Variants in ELAVL4 observed in about 807,000 individuals in gnomAD.
The protein encoded by ELAVL4 is ELAV like RNA binding protein 4, also known as ELAV-like protein 4.
A neutral mutation model predicts 35.6 loss-of-function variants in ELAVL4; 1 was observed. The ratio of observed to expected loss-of-function variants is 0.03; its 90% CI spans 0.01 to 0.13. ELAVL4 has a LOEUF of 0.13. Ranked by LOEUF, ELAVL4 falls within the 10% of genes least tolerant of loss-of-function variation. The pLI, the probability that ELAVL4 is intolerant of heterozygous loss-of-function variation, is 1.00. For missense variants in ELAVL4, 267 were observed against 464.9 expected, an observed-to-expected ratio of 0.57 and a Z score of 3.91; for synonymous variants, 156 against 171.0, an observed-to-expected ratio of 0.91 and a Z score of 0.69.
At chr1:50,129,226 C>T (rs529907985) in intron 1 of ELAVL4, among the ~76,000 whole-genome samples, 22 of 152,088 alleles carry the variant, frequency 1.4e-4, no homozygotes, top group Non-Finnish European at 3.1e-4. Context: ...TGACTGTGCC[C>T]TGGAAAAATC....
At chr1:50,131,775 C>A (rs1670897230) in intron 1 of ELAVL4, among the ~76,000 whole-genome samples, 1 of 151,132 alleles carries the variant, frequency 6.6e-6, no homozygotes, top group Non-Finnish European at 1.5e-5. Flanking sequence ...GGGGACAGAG[C>A]AAGACTCTGT....
chr1:50,104,043 C>A, upstream of ELAVL4: 1 of 1,607,238 alleles, frequency 6.2e-7, no homozygotes, highest in South Asian at 1.1e-5. Flanking sequence ...AGATGGTAGA[C>A]CGTCAATGGG....
upstream of ELAVL4, chr1:50,104,146 A>G (rs1666135001): frequency 1.2e-6 from 1 of 834,958 alleles, no homozygotes; most frequent in Non-Finnish European, 2.0e-6. Context: ...AGCTTCATAC[A>G]GTAGTGGTTT....
At chr1:50,188,710 T>C (rs1682212551) in intron 3 of ELAVL4, among the ~76,000 whole-genome samples, 1 of 152,202 alleles carries the variant, frequency 6.6e-6, no homozygotes, top group Non-Finnish European at 1.5e-5. Flanking sequence ...TGCTTCCAGC[T>C]GGCGTCTGGC....
At chr1:50,057,267 C>T (rs1198633301) in intron 1 of ELAVL4, among the ~76,000 whole-genome samples, 1 of 151,736 alleles carries the variant, frequency 6.6e-6, no homozygotes, top group Non-Finnish European at 1.5e-5. Context: ...TACAGCTGTA[C>T]ATGTGTTTGT....
chr1:50,182,348 A>T (rs997447281), intron 3 of ELAVL4, among the ~76,000 whole-genome samples: 1 of 152,256 alleles, frequency 6.6e-6, no homozygotes, highest in Non-Finnish European at 1.5e-5. Flanking sequence ...TATCACACCC[A>T]CTAAACCTTT....
chr1:50,099,964 T>C (rs1363862818), upstream of ELAVL4, among the ~76,000 whole-genome samples: 1 of 152,244 alleles, frequency 6.6e-6, no homozygotes, highest in Non-Finnish European at 1.5e-5. Context: ...TTATTTTGAA[T>C]GTTAGTTTTT....
chr1:50,194,799 T>G (rs1318236759), intron 4 of ELAVL4, among the ~76,000 whole-genome samples: 1 of 152,174 alleles, frequency 6.6e-6, no homozygotes, highest in Non-Finnish European at 1.5e-5. Flanking sequence ...GAGGCAATGT[T>G]TGAATAGGAG....
intron 1 of ELAVL4, among the ~76,000 whole-genome samples, chr1:50,088,818 T>C (rs1292964187): frequency 6.6e-6 from 1 of 152,104 alleles, no homozygotes; most frequent in East Asian, 1.9e-4. Flanking sequence ...TCAGCACCTC[T>C]CATATCCTCC....
chr1:50,094,986 A>G (rs925089191), intron 1 of ELAVL4, among the ~76,000 whole-genome samples: 1 of 152,166 alleles, frequency 6.6e-6, no homozygotes, highest in African/African-American at 2.4e-5. Context: ...ATTGTGAAGC[A>G]TTCAGGTAGG....
At position 50,163,597 on chromosome 1, in the gene ELAVL4, C is replaced by T. The variant is rs537170388; in HGVS notation, c.251-13492C>T. ...ATACCAGCACTTTGGGAGGTCGAGG[C>T]GGCAGATCACTTGAGGCCAGAAGTT... is the stretch of plus-strand genomic sequence containing the variant. On this transcript the variant is annotated intron_variant, in intron 2 of 6. Transcript: ENST00000371824. Among the ~76,000 whole-genome samples, 3 of 152,190 alleles carry T rather than the reference C, an allele frequency of 2.0e-5. No homozygotes were observed. In the South Asian group the frequency reaches 6.2e-4, roughly 32 times the overall value.
chr1:50,145,153 T>C lies in ELAVL4; in HGVS notation c.206T>C (p.Ile69Thr), dbSNP rs765764372. Residue 69 changes from isoleucine (I) to threonine (T), a missense_variant, in exon 2 of 7, where the codon ATT (isoleucine) becomes ACT (threonine). Physicochemically the swap from Ile to Thr is moderately conservative, Grantham distance 89 (BLOSUM62 -1). Transcript: ENST00000371824. ...QEEFRSLFGSIGEIESCKLVR... is the reference protein window; with the variant it reads ...QEEFRSLFGSTGEIESCKLVR... The stretch of plus-strand genomic sequence containing the variant: ...GAATTCAGGAGTCTCTTCGGGAGCA[T>C]TGGTGAAATAGAATCCTGCAAACTT... The C allele has an allele frequency of 3.1e-6, 5 of 1,613,862 alleles. No homozygotes were observed. Among genetic ancestry groups the C allele is most frequent in the African/African-American group, 2.7e-5 (2 of 74,906 alleles).
In ELAVL4 at chr1:50,200,869, T is replaced by G; in HGVS notation, c.792T>G (p.Ile264Met). The stretch of plus-strand genomic sequence containing the variant: ...CCCCCAGGTTCTCCCCAATTACCAT[T>G]GATGGAATGACAAGCCTTGTGGGAA... ...YGVKRFSPIT[I>M]DGMTSLVGMN... Residue 264 changes from isoleucine (I) to methionine (M), a missense_variant, in exon 7 of 7, where the codon ATT becomes ATG. Coordinates refer to ENST00000371824, the MANE Select transcript of ELAVL4 (RefSeq NM_001144774.3). 6.2e-7 allele frequency: 1 copy of G among 1,613,840 alleles called. No individual in the cohort carries two copies. Among genetic ancestry groups the G allele is most frequent in the Non-Finnish European group, 8.5e-7 (1 of 1,179,948 alleles).
chr1:50,201,347 C>A lies in ELAVL4; in HGVS notation c.*169C>A. On this transcript the variant is annotated 3_prime_UTR_variant, in exon 7 of 7. Transcript: ENST00000371824. The surrounding 1 kb of genome is among the most constrained non-coding windows in gnomAD (Gnocchi z 4.3). ...CTAAGTATTAAAACATTGGATTATC[C>A]TGAGGTGTACCAGGAAAGGATTTTA... 1.5e-6 allele frequency: 1 copy of A among 662,710 alleles called. No individual in the cohort carries two copies. The highest frequency in any genetic ancestry group is 2.2e-6 in the Non-Finnish European group (1 of 462,838). The allele number at this position is 662,710 out of a possible 1,614,324, so 41.1% of individuals were successfully genotyped here. A position where few individuals can be genotyped will look rare whatever the true frequency, so the allele number is the denominator to read the frequency against.
chr1:50,181,883 G>C (rs1188301295), intron 3 of ELAVL4, among the ~76,000 whole-genome samples: 1 of 152,054 alleles, frequency 6.6e-6, no homozygotes, highest in Non-Finnish European at 1.5e-5. Context: ...GGGTTTCTCC[G>C]TGTTGGTCAG....
rs954212189 is a variant in ELAVL4, at chr1:50,122,891, C to T, written c.9+13693C>T. ...CACATTTTTAAAAGGATTAATACCA[C>T]TCAGGATTGTTAGGATTAAATAGAC... On this transcript the variant is annotated intron_variant, in intron 1 of 6. Transcript: ENST00000371824. Among the ~76,000 whole-genome samples, 4 of 152,052 alleles carry T rather than the reference C, an allele frequency of 2.6e-5. No homozygotes were observed. The South Asian group carries it at 8.3e-4, about 32-fold the overall frequency.
At chr1:50,200,697 G>A (rs1287636909) in intron 6 of ELAVL4, 154 bp from the exon 7 acceptor site, 1 of 1,421,358 alleles carries the variant, frequency 7.0e-7, no homozygotes, top group Admixed American at 2.3e-5. Flanking sequence ...AAATGACATA[G>A]ACATTAGTTT....
intron 2 of ELAVL4, 137 bp from the exon 3 acceptor site, chr1:50,176,952 T>C: frequency 1.5e-6 from 1 of 646,200 alleles, no homozygotes; most frequent in Non-Finnish European, 2.6e-6. Flanking sequence ...AGAGGAACTG[T>C]ATACCAAAGG....
intron 5 of ELAVL4, among the ~76,000 whole-genome samples, chr1:50,196,535 T>C (rs1056891611): frequency 2.6e-5 from 4 of 152,256 alleles, no homozygotes; most frequent in African/African-American, 9.6e-5. Flanking sequence ...ACAGCCCAGC[T>C]TCCCTTTGAT....
Sources: allele counts gnomAD v4.1 joint callset (sites outside exome capture counted in the v4.1 genomes callset), GRCh38; gene constraint gnomAD v4.1.1; non-coding constraint Gnocchi (gnomAD v3.1); transcripts MANE v1.5; gene names NCBI Gene and HGNC (gene_info 2026-07-23, HGNC 2026-07-21).